DPP10: variants seen among roughly 807,000 people sequenced by gnomAD.
The protein encoded by DPP10 is dipeptidyl peptidase like 10, also known as inactive dipeptidyl peptidase 10.
In DPP10, 33 loss-of-function variants were observed where a neutral mutation model predicts 120.9. The ratio of observed to expected loss-of-function variants is 0.27; its 90% CI spans 0.21 to 0.37. DPP10 has a LOEUF of 0.37. Among genes scored for constraint, DPP10 ranks in the 10% least tolerant of loss-of-function variants. The pLI is 1.00. For synonymous variants in DPP10, 337 were observed against 326.1 expected (o/e 1.03, Z -0.36); for missense variants, 816 against 942.8 (o/e 0.87, Z 1.76).
rs1258042554 is a variant in DPP10, at chr2:115,329,829, T to G, written c.176-13988T>G. 2.6e-5 allele frequency among the ~76,000 whole-genome samples: 4 copies of G among 152,292 alleles called. No individual in the cohort carries two copies. In the East Asian group the frequency reaches 7.7e-4, roughly 29 times the overall value. On this transcript the variant is annotated intron_variant, in intron 2 of 25. Coordinates refer to ENST00000410059, the MANE Select transcript of DPP10 (RefSeq NM_020868.6). ...TATGTACCACATTTTCTTAATCCAG[T>G]CTATCATTGATGGACATTTGGGTTG... is the stretch of plus-strand genomic sequence containing the variant.
chr2:115,398,289 A>G (rs929577021), intron 3 of DPP10, among the ~76,000 whole-genome samples: 5 of 151,978 alleles, frequency 3.3e-5, no homozygotes, highest in Admixed American at 2.6e-4. Context: ...GATAAAATGT[A>G]TTGTAACTTA....
At chr2:115,338,986 A>G (rs1485854263) in intron 2 of DPP10, among the ~76,000 whole-genome samples, 1 of 152,146 alleles carries the variant, frequency 6.6e-6, no homozygotes, top group Non-Finnish European at 1.5e-5. Context: ...TTTTCTCCAC[A>G]AAACATTTTC....
At chr2:115,764,780 G>A (rs763882244) in intron 12 of DPP10, among the ~76,000 whole-genome samples, 65 of 152,058 alleles carry the variant, frequency 4.3e-4, no homozygotes, top group Admixed American at 3.0e-3. Context: ...TGCTCTAAGG[G>A]AATTTTATGA....
intron 1 of DPP10, among the ~76,000 whole-genome samples, chr2:114,656,193 T>C (rs547450601): frequency 5.9e-5 from 9 of 152,200 alleles, no homozygotes; most frequent in Non-Finnish European, 1.2e-4. Context: ...GCAAAAACTT[T>C]GGCCAAATTA....
In DPP10 at chr2:115,174,387, G is replaced by A. The variant is rs968470107; in HGVS notation, c.61-134852G>A. ...GGTAAAGTTGGTTCAAACAGTATTT[G>A]AGGAAGAGAGATTTATATAGTCTGA... On this transcript the variant is annotated intron_variant, in intron 1 of 25. Transcript: ENST00000410059. 3.3e-5 allele frequency among the ~76,000 whole-genome samples: 5 copies of A among 152,170 alleles called. No individual in the cohort carries two copies. The South Asian group carries it at 6.2e-4, about 19-fold the overall frequency.
chr2:114,781,496 A>G (rs1682320330), intron 1 of DPP10, among the ~76,000 whole-genome samples: 1 of 152,128 alleles, frequency 6.6e-6, no homozygotes, highest in South Asian at 2.1e-4. Flanking sequence ...TTTGTGACAC[A>G]TGGTACAGGC....
chr2:115,062,482 G>A (rs1402278523), intron 1 of DPP10, among the ~76,000 whole-genome samples: 2 of 152,114 alleles, frequency 1.3e-5, no homozygotes, highest in Non-Finnish European at 2.9e-5. Context: ...CCATCACCTA[G>A]GTATTAAGCC....
At chr2:115,817,003 C>T (rs1386935994) in intron 21 of DPP10, among the ~76,000 whole-genome samples, 1 of 149,900 alleles carries the variant, frequency 6.7e-6, no homozygotes, top group Non-Finnish European at 1.5e-5. Context: ...AATCCCAGCA[C>T]TTTGGGAGGC....
chr2:115,288,855 T>C (rs1475896995), intron 1 of DPP10, among the ~76,000 whole-genome samples: 1 of 152,092 alleles, frequency 6.6e-6, no homozygotes, highest in African/African-American at 2.4e-5. Context: ...TGGGGAAAAG[T>C]TGAAAGCATT....
intron 13 of DPP10, among the ~76,000 whole-genome samples, chr2:115,774,251 C>G (rs930408810): frequency 6.7e-6 from 1 of 150,370 alleles, no homozygotes; most frequent in Non-Finnish European, 1.5e-5. Flanking sequence ...CCAAAATACT[C>G]TGAAAAACAG....
intron 3 of DPP10, among the ~76,000 whole-genome samples, chr2:115,363,206 C>T (rs2064886784): frequency 1.3e-5 from 2 of 152,168 alleles, no homozygotes; most frequent in South Asian, 4.1e-4. Flanking sequence ...TCTGGGTTTT[C>T]TACCATTACC....
At chr2:114,807,969 C>A (rs1055491884) in intron 1 of DPP10, among the ~76,000 whole-genome samples, 1 of 152,216 alleles carries the variant, frequency 6.6e-6, no homozygotes, top group Non-Finnish European at 1.5e-5. Context: ...CTGCAAGTGT[C>A]TATTAACATA....
At chr2:115,187,526 A>T (rs2054552156) in intron 1 of DPP10, among the ~76,000 whole-genome samples, 1 of 152,180 alleles carries the variant, frequency 6.6e-6, no homozygotes, top group Non-Finnish European at 1.5e-5. Context: ...GTGAAAGTGG[A>T]TGGAGTTTTT....
chr2:115,103,759 C>T (rs1241259114), intron 1 of DPP10, among the ~76,000 whole-genome samples: 1 of 152,134 alleles, frequency 6.6e-6, no homozygotes, highest in East Asian at 1.9e-4. Flanking sequence ...TAGAATAGTG[C>T]CTGACTGATA....
At chr2:114,580,684 A>G (rs1382377315) in intron 1 of DPP10, among the ~76,000 whole-genome samples, 1 of 150,726 alleles carries the variant, frequency 6.6e-6, no homozygotes, top group Non-Finnish European at 1.5e-5. Context: ...GTTTTGGATT[A>G]ATTTCCCTAA....
At position 114,767,207 on chromosome 2, in the gene DPP10, C is replaced by CAAAAAAAA. The variant is rs5833559; in HGVS notation, c.60+324385_60+324392dup. Among the ~76,000 whole-genome samples, 18 of 33,060 alleles carry CAAAAAAAA rather than the reference C, an allele frequency of 5.4e-4. 1 individual carries two copies. The highest frequency in any genetic ancestry group is 6.1e-4 in the African/African-American group (5 of 8,146). 21.7% of individuals were successfully genotyped at this position (33,060 alleles called of 152,430 possible). On this transcript the variant is annotated intron_variant, in intron 1 of 25. Coordinates refer to ENST00000410059, the MANE Select transcript of DPP10 (RefSeq NM_020868.6). ...AGCCAATGCTCAGGTAGGATAAAAGCAAAAAAAAAAAAAAAAAAAAAAAGT... is the reference window on the plus strand; with the variant it reads ...AGCCAATGCTCAGGTAGGATAAAAGCAAAAAAAAAAAAAAAAAAAAAAAAAAAAAAAGT...
chr2:115,709,870 G>GA (rs1481269121), intron 7 of DPP10, among the ~76,000 whole-genome samples: 3 of 151,938 alleles, frequency 2.0e-5, no homozygotes, highest in South Asian at 4.2e-4. Flanking sequence ...AAAAATATCT[G>GA]AAAAAAATGA....
intron 1 of DPP10, among the ~76,000 whole-genome samples, chr2:115,269,996 C>T (rs1473534864): frequency 6.6e-6 from 1 of 151,058 alleles, no homozygotes; most frequent in African/African-American, 2.4e-5. Context: ...TATGATGTGC[C>T]TTTCACTGGA....
chr2:115,661,403 T>G (rs2088965187), intron 5 of DPP10, among the ~76,000 whole-genome samples: 1 of 152,224 alleles, frequency 6.6e-6, no homozygotes, highest in African/African-American at 2.4e-5. Context: ...TCATCTGAAC[T>G]TGATTTGGAA....
Sources: allele counts gnomAD v4.1 joint callset (sites outside exome capture counted in the v4.1 genomes callset), GRCh38; gene constraint gnomAD v4.1.1; transcripts MANE v1.5; gene names NCBI Gene and HGNC (gene_info 2026-07-23, HGNC 2026-07-21).